PRKCZ: variants seen among roughly 807,000 people sequenced by gnomAD.
PRKCZ encodes protein kinase C zeta type.
PRKCZ carries 33 observed loss-of-function variants against 79.5 expected under a neutral mutation model. That is an observed-to-expected ratio of 0.41 (90% CI 0.31 to 0.55). PRKCZ has a LOEUF of 0.55. PRKCZ is among the 20% of genes least tolerant of loss of function. The pLI is 0.19. For missense variants in PRKCZ, 578 were observed against 813.5 expected, an observed-to-expected ratio of 0.71 and a Z score of 3.52; for synonymous variants, 342 against 320.9, an observed-to-expected ratio of 1.07 and a Z score of -0.70.
At position 2,170,702 on chromosome 1, in the gene PRKCZ, C is replaced by T. The variant is rs984581176; in HGVS notation, c.1061+1098C>T. Among the ~76,000 whole-genome samples the T allele has an allele frequency of 6.6e-5, 10 of 152,254 alleles. No individual in the cohort carries two copies. In the East Asian group the frequency reaches 1.7e-3, roughly 26 times the overall value. ...GACGGGCACGTCCCACTTTCTGTCC[C>T]TCTGATTCGAGGACTCTAGGGACCT... On this transcript the variant is annotated intron_variant, in intron 11 of 17. Coordinates refer to ENST00000378567, the MANE Select transcript of PRKCZ (RefSeq NM_002744.6).
At chr1:2,170,063 G>A (rs1290950035) in intron 11 of PRKCZ, among the ~76,000 whole-genome samples, 3 of 152,122 alleles carry the variant, frequency 2.0e-5, no homozygotes, top group Non-Finnish European at 4.4e-5. Context: ...AGTCTCCTGG[G>A]ATTGTGCTGT....
intron 16 of PRKCZ, chr1:2,182,055 T>C (rs1686714681): frequency 3.0e-6 from 1 of 329,982 alleles, no homozygotes; most frequent in Non-Finnish European, 6.1e-6. Flanking sequence ...TGTCCAGCCT[T>C]ACGTGGAAGG....
rs1342128029 is a variant in PRKCZ at position 2,172,901 on chromosome 1, G to C, written c.1285+513G>C. On this transcript the variant is annotated intron_variant, in intron 13 of 17. Transcript: ENST00000378567. The surrounding 1 kb of genome is among the most constrained non-coding windows in gnomAD (Gnocchi z 7.8). ...GTGCGTGTGTGAAACGGGGACGTGG[G>C]CACGCGTGTGCAGCCGTGTGTGCGT... Among the ~76,000 whole-genome samples, 1 of 152,194 alleles carries C rather than the reference G, an allele frequency of 6.6e-6. No individual in the cohort carries two copies. The highest frequency in any genetic ancestry group is 2.4e-5 in the African/African-American group (1 of 41,438).
At chr1:2,160,850 G>A (rs532576214) in intron 10 of PRKCZ, among the ~76,000 whole-genome samples, 1 of 152,238 alleles carries the variant, frequency 6.6e-6, no homozygotes, top group South Asian at 2.1e-4. Context: ...GAGACGCCCC[G>A]CCCCGCCGGG....
At chr1:2,131,577 T>C (rs1342440364) in intron 4 of PRKCZ, among the ~76,000 whole-genome samples, 1 of 152,226 alleles carries the variant, frequency 6.6e-6, no homozygotes, top group Non-Finnish European at 1.5e-5. Flanking sequence ...TCCATTGTTA[T>C]TCAACATACC....
chr1:2,073,694 G>A (rs1409006819), intron 4 of PRKCZ: 27 of 991,824 alleles, frequency 2.7e-5, no homozygotes, highest in Non-Finnish European at 3.1e-5. Context: ...CGGGGGAGCC[G>A]GGTACCACCC....
rs190604097 is a variant in PRKCZ at position 2,104,251 on chromosome 1, G to A, written c.335-31011G>A. Among the ~76,000 whole-genome samples the A allele has an allele frequency of 1.3e-3, 201 of 152,240 alleles. 2 individuals are homozygous for A. Among genetic ancestry groups the A allele is most frequent in the South Asian group, 1.7e-3 (8 of 4,824 alleles). The stretch of plus-strand genomic sequence containing the variant: ...GATGTGGGCGGGAGGGGAGCGGGTC[G>A]TCTCAAACACCTCCAGCAGTCGAAC... On this transcript the variant is annotated intron_variant, in intron 4 of 17. Transcript: ENST00000378567.
chr1:2,063,476 C>T (rs1263180417), intron 4 of PRKCZ, among the ~76,000 whole-genome samples: 1 of 152,168 alleles, frequency 6.6e-6, no homozygotes, highest in Non-Finnish European at 1.5e-5. Flanking sequence ...CCACGCCCAG[C>T]TAATTTTTGT....
chr1:2,167,510 CA>C (rs1474411471), intron 10 of PRKCZ, among the ~76,000 whole-genome samples: 2 of 152,106 alleles, frequency 1.3e-5, no homozygotes, highest in Non-Finnish European at 2.9e-5. Context: ...CTCGGGGGGA[CA>C]GGTGGAAGGG....
intron 15 of PRKCZ, among the ~76,000 whole-genome samples, 162 bp from the exon 16 acceptor site, chr1:2,175,062 T>A (rs1443413905): frequency 6.6e-6 from 1 of 152,100 alleles, no homozygotes; most frequent in Non-Finnish European, 1.5e-5. Flanking sequence ...GAGCTTAACG[T>A]ACGGGGAAGG....
chr1:2,135,344 CAG>C lies in PRKCZ; in HGVS notation c.418_419del (p.Arg140GlufsTer30), dbSNP rs1188858555. 4 of 1,610,798 alleles carry C rather than the reference CAG, an allele frequency of 2.5e-6. No homozygotes were observed. In the East Asian group the frequency reaches 6.7e-5, roughly 27 times the overall value. On this transcript the variant is annotated frameshift_variant and splice_region_variant, in exon 5 of 18. Transcript: ENST00000378567. LOFTEE classifies it high-confidence loss of function. ...GHLFQAKRFN[R>X]RAYCGQCSER... ...ACCTCTTCCAAGCCAAGCGCTTTAACAGGGTGAGTGGCCCCCTTGGGACTAGT... is the reference window on the plus strand; with the variant it reads ...ACCTCTTCCAAGCCAAGCGCTTTAACGGTGAGTGGCCCCCTTGGGACTAGT...
chr1:2,139,347 T>G (rs534946307), intron 5 of PRKCZ, among the ~76,000 whole-genome samples: 2 of 152,218 alleles, frequency 1.3e-5, no homozygotes, highest in East Asian at 3.9e-4. Flanking sequence ...TCCAGCACTT[T>G]GGGAGGCCGA....
chr1:2,166,707 C>T (rs1167336600), intron 10 of PRKCZ, among the ~76,000 whole-genome samples: 5 of 152,160 alleles, frequency 3.3e-5, no homozygotes, highest in Non-Finnish European at 7.4e-5. Flanking sequence ...GCGAGTGTGG[C>T]TACCAGGACA....
chr1:2,090,511 G>A (rs1481117393), intron 4 of PRKCZ, among the ~76,000 whole-genome samples: 1 of 152,190 alleles, frequency 6.6e-6, no homozygotes, highest in Non-Finnish European at 1.5e-5. Flanking sequence ...ACCCTCAGCT[G>A]CTCCTTCCAG....
intron 4 of PRKCZ, among the ~76,000 whole-genome samples, chr1:2,110,506 C>T (rs578166233): frequency 2.6e-5 from 4 of 152,192 alleles, no homozygotes; most frequent in Admixed American, 6.5e-5. Flanking sequence ...CCTGAATCTC[C>T]GGAGTCCCCC....
At chr1:2,121,647 G>A (rs1170865946) in intron 4 of PRKCZ, among the ~76,000 whole-genome samples, 1 of 99,370 alleles carries the variant, frequency 1.0e-5, no homozygotes, top group Non-Finnish European at 2.0e-5. Flanking sequence ...GGTAGTTAGG[G>A]TCACGGTGGT....
intron 10 of PRKCZ, among the ~76,000 whole-genome samples, chr1:2,161,022 C>T (rs988072521): frequency 2.0e-5 from 3 of 152,106 alleles, no homozygotes; most frequent in Non-Finnish European, 4.4e-5. Flanking sequence ...GCCTCGGCCG[C>T]GACCTTGGGA....
intron 4 of PRKCZ, among the ~76,000 whole-genome samples, chr1:2,092,476 C>T (rs1665693785): frequency 6.6e-6 from 1 of 152,242 alleles, no homozygotes; most frequent in Non-Finnish European, 1.5e-5. Flanking sequence ...TTTTTCAGAG[C>T]AACCTGTGGG....
chr1:2,057,321 T>G lies in PRKCZ; in HGVS notation c.283+748T>G, dbSNP rs562281866. ...CTCCTCCCCGGTACTGCTGGGGGTC[T>G]GCAGGGCGTCTGGGGCCTGGGAATG... On this transcript the variant is annotated intron_variant, in intron 3 of 17. Transcript: ENST00000378567. Among the ~76,000 whole-genome samples, 3 of 152,336 alleles carry G rather than the reference T, an allele frequency of 2.0e-5. No individual in the cohort carries two copies. In the South Asian group the frequency reaches 6.2e-4, roughly 32 times the overall value.
Sources: allele counts gnomAD v4.1 joint callset (sites outside exome capture counted in the v4.1 genomes callset), GRCh38; gene constraint gnomAD v4.1.1; non-coding constraint Gnocchi (gnomAD v3.1); transcripts MANE v1.5; gene names NCBI Gene and HGNC (gene_info 2026-07-23, HGNC 2026-07-21).